Variants in ZCCHC17 observed in about 807,000 individuals in gnomAD.
ZCCHC17 encodes the protein zinc finger CCHC-type containing 17.
ZCCHC17 carries 18 observed loss-of-function variants against 30.6 expected under a neutral mutation model. The ratio of observed to expected loss-of-function variants is 0.59; its 90% CI spans 0.41 to 0.87. The LOEUF is 0.87. ZCCHC17 is among the 40% of genes least tolerant of loss of function. The pLI is 0.00. For missense variants in ZCCHC17, 263 were observed against 284.2 expected, an observed-to-expected ratio of 0.93 and a Z score of 0.54; for synonymous variants, 88 against 92.4, an observed-to-expected ratio of 0.95 and a Z score of 0.27.
intron 2 of ZCCHC17, among the ~76,000 whole-genome samples, chr1:31,315,099 GTCTC>G (rs1209298370): frequency 6.6e-6 from 1 of 152,118 alleles, no homozygotes; most frequent in Non-Finnish European, 1.5e-5. Flanking sequence ...ACTTGTATGT[GTCTC>G]TCTCCACTAC....
At chr1:31,353,033 TG>T (rs1332776746) in intron 7 of ZCCHC17, among the ~76,000 whole-genome samples, 3 of 152,224 alleles carry the variant, frequency 2.0e-5, no homozygotes, top group Non-Finnish European at 4.4e-5. Flanking sequence ...ACTTATTTTC[TG>T]GGTTTTGTGT....
intron 2 of ZCCHC17, among the ~76,000 whole-genome samples, chr1:31,311,734 G>A (rs1224652534): frequency 1.3e-5 from 2 of 152,198 alleles, no homozygotes; most frequent in Non-Finnish European, 2.9e-5. Context: ...GGGCCTAAGG[G>A]CCCCACCTCT....
chr1:31,311,622 C>T (rs1326302494), intron 2 of ZCCHC17, among the ~76,000 whole-genome samples: 1 of 152,174 alleles, frequency 6.6e-6, no homozygotes, highest in East Asian at 1.9e-4. Flanking sequence ...CCTGCTGCAT[C>T]CTCTGGAGGG....
chr1:31,339,731 G>A (rs1296849929), intron 5 of ZCCHC17, among the ~76,000 whole-genome samples: 1 of 152,042 alleles, frequency 6.6e-6, no homozygotes, highest in African/African-American at 2.4e-5. Context: ...TGCAGGTGGG[G>A]TTACGTGGGT....
intron 2 of ZCCHC17, among the ~76,000 whole-genome samples, chr1:31,317,183 C>G (rs747711544): frequency 3.9e-5 from 6 of 151,938 alleles, no homozygotes; most frequent in Non-Finnish European, 8.8e-5. Context: ...CACCACCAGA[C>G]CCAGCTAATT....
At chr1:31,307,533 A>G (rs1646492822) in intron 1 of ZCCHC17, among the ~76,000 whole-genome samples, 1 of 147,878 alleles carries the variant, frequency 6.8e-6, no homozygotes, top group African/African-American at 2.5e-5. Context: ...CCTCCAGAGT[A>G]GCTGGGATTA....
chr1:31,322,725 CT>C (rs35728249), intron 3 of ZCCHC17, among the ~76,000 whole-genome samples: 138,159 of 143,092 alleles, frequency 0.97, 66,687 homozygotes, highest in East Asian at 0.99. Flanking sequence ...GCTGAAATTT[CT>C]TTTTTTTTTT....
chr1:31,325,916 C>T (rs1246367002), intron 3 of ZCCHC17, among the ~76,000 whole-genome samples: 1 of 151,704 alleles, frequency 6.6e-6, no homozygotes, highest in Admixed American at 6.6e-5. Flanking sequence ...TCACTTGGGC[C>T]CAGAAGTTAG....
chr1:31,364,003 A>G, intron 7 of ZCCHC17, 29 bp from the exon 8 acceptor site: 1 of 1,607,448 alleles, frequency 6.2e-7, no homozygotes, highest in Non-Finnish European at 8.5e-7. Context: ...ATACACATAC[A>G]GTGTTGATTT....
chr1:31,323,497 A>AT (rs1336030293), intron 3 of ZCCHC17, among the ~76,000 whole-genome samples: 1 of 151,938 alleles, frequency 6.6e-6, no homozygotes, highest in African/African-American at 2.4e-5. Flanking sequence ...AATTTTTTGT[A>AT]TTTTTAGTAG....
chr1:31,303,113 C>G (rs891280966), intron 1 of ZCCHC17, among the ~76,000 whole-genome samples: 7 of 146,848 alleles, frequency 4.8e-5, no homozygotes, highest in African/African-American at 1.9e-4. Context: ...CCAGTCTCTA[C>G]CCCCCCTCAA....
intron 1 of ZCCHC17, among the ~76,000 whole-genome samples, chr1:31,301,596 A>G (rs1646313243): frequency 6.6e-6 from 1 of 152,222 alleles, no homozygotes; most frequent in Admixed American, 6.5e-5. Context: ...CTTAGGAATA[A>G]TTGACTGAAA....
intron 2 of ZCCHC17, among the ~76,000 whole-genome samples, chr1:31,318,709 C>T (rs964552699): frequency 2.6e-5 from 4 of 152,074 alleles, no homozygotes; most frequent in African/African-American, 9.7e-5. Flanking sequence ...GGTTTGGAGG[C>T]CTCAGTCCTA....
At chr1:31,360,854 A>G (rs1250228587) in intron 7 of ZCCHC17, among the ~76,000 whole-genome samples, 2 of 152,204 alleles carry the variant, frequency 1.3e-5, no homozygotes, top group East Asian at 3.9e-4. Context: ...ATAATAACTC[A>G]TGAAGTTTGA....
intron 3 of ZCCHC17, among the ~76,000 whole-genome samples, chr1:31,331,547 G>A (rs1347537195): frequency 6.6e-6 from 1 of 152,122 alleles, no homozygotes; most frequent in Non-Finnish European, 1.5e-5. Context: ...AGTGCTTGAA[G>A]TTGGCAGAGT....
At chr1:31,338,191 A>T (rs1409377223) in intron 4 of ZCCHC17, among the ~76,000 whole-genome samples, 3 of 140,980 alleles carry the variant, frequency 2.1e-5, no homozygotes, top group Admixed American at 1.5e-4. Flanking sequence ...CTGTGTTACT[A>T]CCCAGGCTGG....
chr1:31,337,040 T>G, intron 3 of ZCCHC17, 135 bp from the exon 4 acceptor site: 2 of 709,494 alleles, frequency 2.8e-6, no homozygotes, highest in Non-Finnish European at 4.6e-6. Flanking sequence ...CAATTTGCAG[T>G]TTTAAGTTTC....
rs928104009 is a variant in ZCCHC17, at chr1:31,322,371, C to T, written c.124+3205C>T. On this transcript the variant is annotated intron_variant, in intron 3 of 7. Transcript: ENST00000344147. Reference sequence around the variant, plus strand: ...CACTTGGCTACAATTTTTGGGATTCCCAGCACTTCCCCCCAAAGTTGGTAA... The same window carrying T: ...CACTTGGCTACAATTTTTGGGATTCTCAGCACTTCCCCCCAAAGTTGGTAA... Among the ~76,000 whole-genome samples, 3 of 152,182 alleles carry T rather than the reference C, an allele frequency of 2.0e-5. No individual in the cohort carries two copies. In the East Asian group the frequency reaches 5.8e-4, roughly 29 times the overall value.
At chr1:31,340,840 A>C (rs1639025122) in intron 5 of ZCCHC17, among the ~76,000 whole-genome samples, 1 of 152,220 alleles carries the variant, frequency 6.6e-6, no homozygotes, top group South Asian at 2.1e-4. Context: ...ATTGGTGAAA[A>C]GTTTGGAAAG....
Sources: allele counts gnomAD v4.1 joint callset (sites outside exome capture counted in the v4.1 genomes callset), GRCh38; gene constraint gnomAD v4.1.1; transcripts MANE v1.5; gene names NCBI Gene and HGNC (gene_info 2026-07-23, HGNC 2026-07-21).